RABEPK: variants seen among roughly 807,000 people sequenced by gnomAD.
The protein encoded by RABEPK is 40 kDa Rab9 effector protein.
Under a neutral mutation model 34.1 loss-of-function variants are expected in RABEPK, and 27 were observed. That is an observed-to-expected ratio of 0.79 (90% CI 0.58 to 1.09). The LOEUF is 1.09. RABEPK is among the 50% of genes least tolerant of loss of function. The pLI is 0.00. For missense variants in RABEPK, 449 were observed against 462.6 expected (o/e 0.97, Z 0.27); for synonymous variants, 172 against 169.2 (o/e 1.02, Z -0.13).
chr9:125,210,922 C>T (rs1830552606), intron 3 of RABEPK, among the ~76,000 whole-genome samples: 1 of 146,278 alleles, frequency 6.8e-6, no homozygotes, highest in South Asian at 2.3e-4. Flanking sequence ...ACTGCAACCT[C>T]TGCCTCCTGG....
At position 125,231,741 on chromosome 9, in the gene RABEPK, G is replaced by A. The variant is rs148722436; in HGVS notation, c.677-855G>A. On this transcript the variant is annotated intron_variant, in intron 6 of 7. Coordinates refer to ENST00000373538, the MANE Select transcript of RABEPK (RefSeq NM_005833.4). ...GCTTGAACCTGGGAGTCAAGATCAAGCCACTGCACTCCAGGCTGGGCAACA... is the reference window on the plus strand; with the variant it reads ...GCTTGAACCTGGGAGTCAAGATCAAACCACTGCACTCCAGGCTGGGCAACA... Among the ~76,000 whole-genome samples the A allele has an allele frequency of 4.9e-3, 742 of 151,748 alleles. 13 individuals carry two copies. Among genetic ancestry groups the A allele is most frequent in the East Asian group, 0.036 (182 of 5,116 alleles).
chr9:125,200,779 G>C lies in RABEPK; in HGVS notation c.-134G>C, dbSNP rs750906133. 1.9e-5 allele frequency: 9 copies of C among 471,126 alleles called. No individual in the cohort carries two copies. The highest frequency in any genetic ancestry group is 1.4e-4 in the African/African-American group (7 of 50,102). 29.2% of individuals were successfully genotyped at this position (471,126 alleles called of 1,614,324 possible). A position where few individuals can be genotyped will look rare whatever the true frequency, so the allele number is the denominator to read the frequency against. On this transcript the variant is annotated 5_prime_UTR_variant, in exon 1 of 8. Coordinates refer to ENST00000373538, the MANE Select transcript of RABEPK (RefSeq NM_005833.4). The stretch of plus-strand genomic sequence containing the variant: ...TCCCGACCCCGTCTCCTATCCCCTA[G>C]AACTGCCACGTGGGGATGAGATTTG...
intron 7 of RABEPK, among the ~76,000 whole-genome samples, chr9:125,233,062 G>T (rs1832318201): frequency 1.3e-5 from 2 of 148,444 alleles, no homozygotes; most frequent in African/African-American, 5.0e-5. Flanking sequence ...TGGTGACAGA[G>T]CGAGACTCTG....
rs150562343 is a variant in RABEPK, at chr9:125,223,010, G to A, written c.526+2310G>A. Among the ~76,000 whole-genome samples the A allele has an allele frequency of 7.3e-3, 1,115 of 152,098 alleles. 10 individuals carry two copies. Among genetic ancestry groups the A allele is most frequent in the African/African-American group, 0.025 (1,056 of 41,532 alleles). On this transcript the variant is annotated intron_variant, in intron 5 of 7. Coordinates refer to ENST00000373538, the MANE Select transcript of RABEPK (RefSeq NM_005833.4). ...TTTAATAAGTGCTTAGGCCAGGCGCGGTGGCTCACGCCTGTAATCCCAGCA... is the reference window on the plus strand; with the variant it reads ...TTTAATAAGTGCTTAGGCCAGGCGCAGTGGCTCACGCCTGTAATCCCAGCA...
chr9:125,207,529 G>T, intron 2 of RABEPK, 35 bp from the exon 3 acceptor site: 1 of 1,599,884 alleles, frequency 6.3e-7, no homozygotes, highest in Non-Finnish European at 8.6e-7. Flanking sequence ...TTTATTCTCT[G>T]CTCAGGCCTC....
At chr9:125,219,027 T>G (rs1231997272) in intron 4 of RABEPK, among the ~76,000 whole-genome samples, 6 of 151,924 alleles carry the variant, frequency 3.9e-5, no homozygotes, top group African/African-American at 1.5e-4. Flanking sequence ...CCACCGAGCC[T>G]GGCTAGCCAT....
At chr9:125,209,452 C>T (rs572938593) in intron 3 of RABEPK, among the ~76,000 whole-genome samples, 4 of 152,030 alleles carry the variant, frequency 2.6e-5, no homozygotes, top group South Asian at 4.2e-4. Context: ...TGGGTTCAAG[C>T]GATTCTCCTG....
At chr9:125,206,290 G>A (rs1830220472) in intron 2 of RABEPK, among the ~76,000 whole-genome samples, 1 of 152,114 alleles carries the variant, frequency 6.6e-6, no homozygotes, top group East Asian at 1.9e-4. Context: ...ATTGCTTGAG[G>A]CTGGGAGTTC....
intron 3 of RABEPK, 74 bp from the exon 4 acceptor site, chr9:125,213,296 G>A (rs1047863708): frequency 2.7e-6 from 4 of 1,463,350 alleles, no homozygotes; most frequent in Non-Finnish European, 3.7e-6. Flanking sequence ...CTCTTCTCAT[G>A]ACCCTCCTCA....
intron 5 of RABEPK, among the ~76,000 whole-genome samples, chr9:125,225,257 C>T (rs1588396973): frequency 6.6e-6 from 1 of 152,092 alleles, no homozygotes; most frequent in East Asian, 1.9e-4. Flanking sequence ...TGATGGTGTG[C>T]ACCTATAATC....
chr9:125,213,228 T>G, intron 3 of RABEPK, 142 bp from the exon 4 acceptor site: 1 of 843,502 alleles, frequency 1.2e-6, no homozygotes, highest in Non-Finnish European at 1.9e-6. Flanking sequence ...TAGAATTTTC[T>G]GGAGGTTGAC....
chr9:125,202,922 C>A, intron 1 of RABEPK, 86 bp from the exon 2 acceptor site: 1 of 1,012,828 alleles, frequency 9.9e-7, no homozygotes, highest in Non-Finnish European at 1.5e-6. Flanking sequence ...TTAGTACATT[C>A]AACAGGAAAG....
At chr9:125,218,049 C>T (rs182751939) in intron 4 of RABEPK, among the ~76,000 whole-genome samples, 4 of 151,716 alleles carry the variant, frequency 2.6e-5, no homozygotes, top group East Asian at 1.9e-4. Flanking sequence ...CGGTAGCTCA[C>T]GCCTGTAATC....
At chr9:125,216,980 AAAG>A (rs1409219320) in intron 4 of RABEPK, among the ~76,000 whole-genome samples, 6 of 151,874 alleles carry the variant, frequency 4.0e-5, no homozygotes, top group African/African-American at 9.7e-5. Context: ...AAAAAAAAAA[AAAG>A]AAGAAAGTGA....
intron 7 of RABEPK, 80 bp from the exon 8 acceptor site, chr9:125,233,608 C>T (rs1258834939): frequency 4.8e-6 from 7 of 1,449,806 alleles, no homozygotes; most frequent in African/African-American, 1.4e-5. Flanking sequence ...TCCCAAAGTG[C>T]TGGGATTACA....
intron 4 of RABEPK, among the ~76,000 whole-genome samples, chr9:125,213,780 A>G (rs1830741606): frequency 1.3e-5 from 2 of 152,226 alleles, no homozygotes; most frequent in South Asian, 2.1e-4. Flanking sequence ...GAGAACAGCT[A>G]TATCAAGTGG....
chr9:125,232,765 G>A lies in RABEPK; in HGVS notation c.826+20G>A. On this transcript the variant is annotated intron_variant, in intron 7 of 7. Coordinates refer to ENST00000373538, the MANE Select transcript of RABEPK (RefSeq NM_005833.4). Reference sequence around the variant, plus strand: ...ACACAGGTGAGCAGGTGTCCATGGGGGATCTTTAAACAAATCTAAACATTC... The same window carrying A: ...ACACAGGTGAGCAGGTGTCCATGGGAGATCTTTAAACAAATCTAAACATTC... 1 of 1,601,058 alleles carries A rather than the reference G, an allele frequency of 6.2e-7. No individual in the cohort carries two copies. The highest frequency in any genetic ancestry group is 1.7e-4 in the Middle Eastern group (1 of 5,994).
chr9:125,211,933 C>T (rs1010450895), intron 3 of RABEPK, among the ~76,000 whole-genome samples: 70 of 151,998 alleles, frequency 4.6e-4, no homozygotes, highest in African/African-American at 1.5e-3. Flanking sequence ...CGCGCCAGTG[C>T]GCTCCAGCCT....
chr9:125,213,115 C>G (rs2131385670), intron 3 of RABEPK, among the ~76,000 whole-genome samples: 1 of 152,298 alleles, frequency 6.6e-6, no homozygotes. Context: ...AAGCATAGTA[C>G]AAACATGTCA....
Sources: allele counts gnomAD v4.1 joint callset (sites outside exome capture counted in the v4.1 genomes callset), GRCh38; gene constraint gnomAD v4.1.1; transcripts MANE v1.5; gene names NCBI Gene and HGNC (gene_info 2026-07-23, HGNC 2026-07-21).